The following DPH7 variants were observed in gnomAD, a reference collection of about 807,000 sequenced individuals.
DPH7 encodes the protein diphthamide biosynthesis 7.
A neutral mutation model predicts 41.7 loss-of-function variants in DPH7; 44 were observed. The ratio of observed to expected loss-of-function variants is 1.05; its 90% CI spans 0.83 to 1.36. The LOEUF is 1.36. Among genes scored for constraint, DPH7 ranks in the 40% most tolerant of loss-of-function variants. The pLI is 0.00. For synonymous variants in DPH7, 275 were observed against 238.0 expected (o/e 1.16, Z -1.43); for missense variants, 629 against 577.5 (o/e 1.09, Z -0.91).
chr9:137,560,055 C>A (rs984644199), intron 8 of DPH7, among the ~76,000 whole-genome samples: 6 of 152,148 alleles, frequency 3.9e-5, no homozygotes, highest in Non-Finnish European at 8.8e-5. Context: ...ACAATTTTTA[C>A]AAAAGCAGTT....
In DPH7 at chr9:137,556,640, G is replaced by A. The variant is rs1837552479; in HGVS notation, c.950-992C>T. 5.7e-6 allele frequency: 2 copies of A among 353,360 alleles called. No homozygotes were observed. The highest frequency in any genetic ancestry group is 4.2e-5 in the South Asian group (2 of 47,910). 21.9% of individuals were successfully genotyped at this position (353,360 alleles called of 1,614,324 possible). A position where few individuals can be genotyped will look rare whatever the true frequency, so the allele number is the denominator to read the frequency against. ...AGGAGTGAGATGCTGAATGTTCAGA[G>A]ACAGCCACAGGGGCCCTCGAGCAGC... On this transcript the variant is annotated intron_variant, in intron 8 of 8. Transcript: ENST00000277540. This position sits in a 1 kb window ranked among gnomAD's most constrained non-coding sequence, Gnocchi z 5.2.
In DPH7 at chr9:137,563,447, G is replaced by A. The variant is rs940978169; in HGVS notation, c.949+987C>T. Among the ~76,000 whole-genome samples, 5 of 146,290 alleles carry A rather than the reference G, an allele frequency of 3.4e-5. No homozygotes were observed. In the Admixed American group the frequency reaches 3.5e-4, roughly 10 times the overall value. Reference sequence around the variant, plus strand: ...CTTGGGAGGCTGAGGCAGGAGAATCGCTAGAACCCAGGAGGCGAAGGCTGT... The same window carrying A: ...CTTGGGAGGCTGAGGCAGGAGAATCACTAGAACCCAGGAGGCGAAGGCTGT... On this transcript the variant is annotated intron_variant, in intron 8 of 8. Transcript: ENST00000277540.
intron 1 of DPH7, chr9:137,578,245 A>G (rs1161822985): frequency 1.3e-5 from 2 of 153,394 alleles, no homozygotes; most frequent in Non-Finnish European, 2.9e-5. Flanking sequence ...GCTCACTGCA[A>G]GCTCTGCCTC....
intron 3 of DPH7, chr9:137,575,122 G>C (rs1319509086): frequency 3.4e-6 from 4 of 1,179,232 alleles, no homozygotes; most frequent in African/African-American, 1.6e-5. Flanking sequence ...ACACCCCCTT[G>C]CCATCCTTGC....
intron 8 of DPH7, among the ~76,000 whole-genome samples, chr9:137,563,158 A>G (rs1043187418): frequency 3.3e-5 from 5 of 151,738 alleles, no homozygotes; most frequent in Non-Finnish European, 7.4e-5. Context: ...ACAAAACAAA[A>G]AACGATGAGA....
In DPH7 at chr9:137,557,504, CA is replaced by C. The variant is rs879542609; in HGVS notation, c.950-1857del. 7.8e-3 allele frequency among the ~76,000 whole-genome samples: 1,123 copies of C among 143,178 alleles called. 11 individuals are homozygous for C. The highest frequency in any genetic ancestry group is 0.026 in the African/African-American group (1,026 of 39,076). 93.9% of individuals were successfully genotyped at this position (143,178 alleles called of 152,430 possible). ...TGGGTGAAAGAGCAAGACTCTGTCT[CA>C]AAAAAAAAAAATTGTTTAAATTAAA... On this transcript the variant is annotated intron_variant, in intron 8 of 8. Coordinates refer to ENST00000277540, the MANE Select transcript of DPH7 (RefSeq NM_138778.5).
rs966788568 is a variant in DPH7, at chr9:137,574,748, T to G, written c.467+4A>C. 7 of 1,613,656 alleles carry G rather than the reference T, an allele frequency of 4.3e-6. No individual in the cohort carries two copies. The highest frequency in any genetic ancestry group is 5.9e-6 in the Non-Finnish European group (7 of 1,179,942). On this transcript the variant is annotated splice_donor_region_variant and intron_variant, in intron 4 of 8. Coordinates refer to ENST00000277540, the MANE Select transcript of DPH7 (RefSeq NM_138778.5). ...CAGGACCCCTGACCAAGCCTGGCCC[T>G]TACCTTCCAGTTTTCCCAGTGGACC...
intron 8 of DPH7, among the ~76,000 whole-genome samples, chr9:137,557,434 AGGTG>A (rs1234135214): frequency 2.9e-4 from 44 of 152,132 alleles, no homozygotes; most frequent in African/African-American, 1.1e-3. Flanking sequence ...TGAACGTGGG[AGGTG>A]GAGGTTGCAT....
chr9:137,558,658 G>T (rs1837947158), intron 8 of DPH7, among the ~76,000 whole-genome samples: 1 of 152,222 alleles, frequency 6.6e-6, no homozygotes, highest in Non-Finnish European at 1.5e-5. Context: ...ATAGAGGCTG[G>T]GGGAGGGATG....
In DPH7 at chr9:137,570,156, T is replaced by C. The variant is rs140733165; in HGVS notation, c.640+4052A>G. On this transcript the variant is annotated intron_variant, in intron 5 of 8. Transcript: ENST00000277540. ...ACCCACCCACCCACCACCCATCAAA[T>C]AGGTACTTGCTGAACACACACTATG... 6.8e-3 allele frequency among the ~76,000 whole-genome samples: 712 copies of C among 104,550 alleles called. 7 individuals carry two copies. The highest frequency in any genetic ancestry group is 0.025 in the African/African-American group (673 of 27,000). 68.6% of individuals were successfully genotyped at this position (104,550 alleles called of 152,430 possible).
intron 3 of DPH7, chr9:137,575,848 T>G: frequency 2.2e-6 from 3 of 1,351,932 alleles, no homozygotes; most frequent in Non-Finnish European, 1.9e-6. Flanking sequence ...TCAATGAACA[T>G]CCTGTCACTT....
Position 137,574,219 on chromosome 9 carries a change from A to G in DPH7, c.629T>C (p.Ile210Thr). The G allele has an allele frequency of 1.9e-6, 3 of 1,614,112 alleles. No individual in the cohort carries two copies. Among genetic ancestry groups the G allele is most frequent in the Non-Finnish European group, 2.5e-6 (3 of 1,180,008 alleles). The change falls in exon 5 of 9, where the codon ATT becomes ACT. Residue 210 changes from isoleucine to threonine, a missense_variant. Coordinates refer to ENST00000277540, the MANE Select transcript of DPH7 (RefSeq NM_138778.5). The stretch of plus-strand genomic sequence containing the variant: ...GGAGGAATACTGACCTGAATACACA[A>G]TTTCTGGATGCCAGTAATTGAAAGC... ...IAAFNYWHPEIVYSGGDDGLL... is the reference protein window; with the variant it reads ...IAAFNYWHPETVYSGGDDGLL...
chr9:137,577,053 C>CCAAAA (rs1554808950), intron 2 of DPH7, among the ~76,000 whole-genome samples: 3 of 139,296 alleles, frequency 2.2e-5, no homozygotes, highest in African/African-American at 8.0e-5. Context: ...AACCCTGCCT[C>CCAAAA]AAAAAAAAAA....
At chr9:137,577,000 G>A (rs760809504) in intron 2 of DPH7, among the ~76,000 whole-genome samples, 3 of 150,102 alleles carry the variant, frequency 2.0e-5, no homozygotes. Flanking sequence ...GCTGCAGTGA[G>A]CTATGATCAC....
chr9:137,559,069 T>C lies in DPH7; in HGVS notation c.950-3421A>G, dbSNP rs141022055. Among the ~76,000 whole-genome samples the C allele has an allele frequency of 3.6e-3, 551 of 152,352 alleles. 2 individuals carry two copies. The highest frequency in any genetic ancestry group is 0.012 in the African/African-American group (514 of 41,590). On this transcript the variant is annotated intron_variant, in intron 8 of 8. Coordinates refer to ENST00000277540, the MANE Select transcript of DPH7 (RefSeq NM_138778.5). ...ATAAAATATAAAACAAGAATAGTTA[T>C]ACCAGATATAGATCTTAGATAATGA...
intron 1 of DPH7, 106 bp from the exon 2 acceptor site, chr9:137,577,709 G>A: frequency 7.2e-7 from 1 of 1,395,234 alleles, no homozygotes; most frequent in Non-Finnish European, 9.8e-7. Context: ...GACTAAAGGA[G>A]TGGAATTCTG....
intron 8 of DPH7, among the ~76,000 whole-genome samples, chr9:137,561,542 CA>C (rs557915176): frequency 1.4e-3 from 71 of 52,252 alleles, no homozygotes; most frequent in Non-Finnish European, 1.7e-3. Context: ...GACTCCATCT[CA>C]AAAAAAAAAA....
rs749182441 is a variant in DPH7, at chr9:137,565,159, G to A, written c.641-5C>T. The A allele has an allele frequency of 6.2e-7, 1 of 1,613,976 alleles. No homozygotes were observed. Among genetic ancestry groups the A allele is most frequent in the Non-Finnish European group, 8.5e-7 (1 of 1,180,000 alleles). ...TCAGAAGGCCATCGTCGCCCCCTGT[G>A]TGGAGAAAGAGAAGCATCAACACCA... On this transcript the variant is annotated splice_region_variant and splice_polypyrimidine_tract_variant and intron_variant, in intron 5 of 8. Transcript: ENST00000277540.
chr9:137,573,880 A>T (rs1840917483), intron 5 of DPH7, among the ~76,000 whole-genome samples: 1 of 151,946 alleles, frequency 6.6e-6, no homozygotes, highest in Non-Finnish European at 1.5e-5. Context: ...AGCCTGACCA[A>T]CATGGTGAAA....
Sources: allele counts gnomAD v4.1 joint callset (sites outside exome capture counted in the v4.1 genomes callset), GRCh38; gene constraint gnomAD v4.1.1; non-coding constraint Gnocchi (gnomAD v3.1); transcripts MANE v1.5; gene names NCBI Gene and HGNC (gene_info 2026-07-23, HGNC 2026-07-21).